BRD10: variants seen among roughly 807,000 people sequenced by gnomAD.
BRD10 encodes the protein uncharacterized bromodomain-containing protein 10.
chr9:5,985,206 T>G, the BRD10 span, among the ~76,000 whole-genome samples: 1 of 152,154 alleles, frequency 6.6e-6, no homozygotes, highest in Non-Finnish European at 1.5e-5. Context: ...GCTATCCATA[T>G]GGAAAAAAGT....
the BRD10 span, among the ~76,000 whole-genome samples, chr9:5,960,562 C>CAA: frequency 8.2e-6 from 1 of 122,384 alleles, no homozygotes; most frequent in Non-Finnish European, 1.7e-5. Flanking sequence ...GACTCTGTCT[C>CAA]AAAAAAAAAA....
the BRD10 span, chr9:6,007,507 T>C: frequency 6.2e-7 from 1 of 1,612,814 alleles, no homozygotes; most frequent in Non-Finnish European, 8.5e-7. Flanking sequence ...GAGGCCCCGG[T>C]GCTTCTCCTG....
chr9:5,943,140 G>C, the BRD10 span, among the ~76,000 whole-genome samples: 1 of 152,048 alleles, frequency 6.6e-6, no homozygotes, highest in Non-Finnish European at 1.5e-5. Context: ...GCCTCCCAAA[G>C]TGCTAAATTT....
At chr9:5,987,897 C>A in the BRD10 span, among the ~76,000 whole-genome samples, 1 of 152,170 alleles carries the variant, frequency 6.6e-6, no homozygotes, top group East Asian at 1.9e-4. Context: ...ATTGAGCACA[C>A]TTTTTCCTGA....
chr9:6,008,080 C>T, the BRD10 span: 2 of 983,948 alleles, frequency 2.0e-6, no homozygotes, highest in African/African-American at 3.5e-5. Context: ...CGGCCTCACC[C>T]CTCCGCACCC....
At chr9:5,982,297 G>C in the BRD10 span, among the ~76,000 whole-genome samples, 1 of 152,048 alleles carries the variant, frequency 6.6e-6, no homozygotes, top group Non-Finnish European at 1.5e-5. Context: ...AACAGTGCAG[G>C]ACTGTGATCA....
the BRD10 span, among the ~76,000 whole-genome samples, chr9:5,965,814 T>C: frequency 6.6e-6 from 1 of 152,184 alleles, no homozygotes; most frequent in Admixed American, 6.6e-5. Context: ...GATTAAGGTA[T>C]GCCCCGAACT....
the BRD10 span, among the ~76,000 whole-genome samples, chr9:5,927,201 C>T: frequency 6.6e-6 from 1 of 152,120 alleles, no homozygotes; most frequent in Non-Finnish European, 1.5e-5. Context: ...AAAATGGAGG[C>T]AATCAGAAGA....
At chr9:5,968,677 A>C in the BRD10 span, 1 of 1,613,866 alleles carries the variant, frequency 6.2e-7, no homozygotes, top group African/African-American at 1.3e-5. Context: ...CATTACTTGT[A>C]CTAACATAGT....
chr9:5,961,318 A>G, the BRD10 span, among the ~76,000 whole-genome samples: 1 of 152,206 alleles, frequency 6.6e-6, no homozygotes, highest in South Asian at 2.1e-4. Flanking sequence ...GGCTTCCTTA[A>G]GCAAGTGATA....
chr9:5,959,523 G>GT, the BRD10 span, among the ~76,000 whole-genome samples: 1 of 152,206 alleles, frequency 6.6e-6, no homozygotes, highest in East Asian at 1.9e-4. Context: ...TGAGTACTCG[G>GT]TTTTTTAGAC....
the BRD10 span, chr9:5,922,102 T>C: frequency 1.2e-6 from 2 of 1,613,906 alleles, no homozygotes; most frequent in Non-Finnish European, 1.7e-6. Context: ...AATTTTGATC[T>C]GGGTTGGTCT....
the BRD10 span, among the ~76,000 whole-genome samples, chr9:5,939,346 C>A: frequency 1.2e-4 from 19 of 152,178 alleles, no homozygotes; most frequent in East Asian, 2.1e-3. Context: ...CTTATGTTAT[C>A]ATTCCTTACA....
the BRD10 span, among the ~76,000 whole-genome samples, chr9:5,953,146 A>G: frequency 4.6e-5 from 7 of 152,156 alleles, no homozygotes; most frequent in African/African-American, 1.2e-4. Flanking sequence ...TTAAACTCAC[A>G]TTATATATTA....
At chr9:5,886,497 C>T in the BRD10 span, among the ~76,000 whole-genome samples, 1 of 152,220 alleles carries the variant, frequency 6.6e-6, no homozygotes, top group Admixed American at 6.5e-5. Context: ...TGCTATTATC[C>T]CTTTCATTTC....
the BRD10 span, chr9:5,968,000 T>C: frequency 7.2e-7 from 1 of 1,379,476 alleles, no homozygotes. Context: ...ATAACTCCCA[T>C]CCATTTGTGT....
chr9:5,997,666 C>A, the BRD10 span, among the ~76,000 whole-genome samples: 1 of 151,974 alleles, frequency 6.6e-6, no homozygotes, highest in Non-Finnish European at 1.5e-5. Context: ...GTTGATGTTG[C>A]GACAACTGGC....
chr9:5,888,942 A>G, the BRD10 span, among the ~76,000 whole-genome samples: 1 of 152,206 alleles, frequency 6.6e-6, no homozygotes, highest in Non-Finnish European at 1.5e-5. Flanking sequence ...TGGATTTTAT[A>G]TGATAACTGG....
chr9:6,007,139 T>C, the BRD10 span: 2 of 1,527,970 alleles, frequency 1.3e-6, no homozygotes, highest in Non-Finnish European at 1.8e-6. Context: ...CTCGGGCACG[T>C]GTGAGTGTGT....
Sources: gnomAD v4.1 joint callset for allele counts (sites outside exome capture counted in the v4.1 genomes callset) on GRCh38, gnomAD v4.1.1 for gene constraint, MANE v1.5 for transcripts, NCBI Gene and HGNC (gene_info 2026-07-23, HGNC 2026-07-21) for gene names.